Variants in UPF3A observed in about 807,000 individuals in gnomAD.
UPF3A encodes the protein UPF3A regulator of nonsense mediated mRNA decay.
In UPF3A, 42 loss-of-function variants were observed where a neutral mutation model predicts 53.5. The ratio of observed to expected loss-of-function variants is 0.78; its 90% CI spans 0.61 to 1.01. The LOEUF is 1.01. Ranked by LOEUF, UPF3A falls within the 50% of genes least tolerant of loss-of-function variation. UPF3A has a pLI of 0.00. For synonymous variants in UPF3A, 237 were observed against 225.3 expected (o/e 1.05, Z -0.47); for missense variants, 575 against 598.0 (o/e 0.96, Z 0.40).
chr13:114,301,422 C>T (rs2086593529), intron 8 of UPF3A, among the ~76,000 whole-genome samples: 1 of 150,376 alleles, frequency 6.6e-6, no homozygotes, highest in Admixed American at 6.6e-5. Context: ...GAGATCCCGC[C>T]ATTTTACTCC....
At chr13:114,283,706 C>T (rs1253080308) in intron 3 of UPF3A, 1 of 971,058 alleles carries the variant, frequency 1.0e-6, no homozygotes, top group Non-Finnish European at 1.2e-6. Context: ...AGACAGCAGT[C>T]TTCAACTCTA....
At chr13:114,284,584 A>G (rs1413934933) in intron 3 of UPF3A, among the ~76,000 whole-genome samples, 9 of 151,446 alleles carry the variant, frequency 5.9e-5, no homozygotes. Flanking sequence ...CTGTAATCTC[A>G]GATACTTGGG....
At position 114,281,895 on chromosome 13, in the gene UPF3A, T is replaced by TGAGTGGAGG. The variant is rs771513325; in HGVS notation, c.207+53_207+61dup. Reference sequence around the variant, plus strand: ...AAACCTCGCGAGGAGAGGACGGCCCTGAGTGGAGGGAGGGGAGGGAGGGGA... The same window carrying TGAGTGGAGG: ...AAACCTCGCGAGGAGAGGACGGCCCTGAGTGGAGGGAGTGGAGGGAGGGGAGGGAGGGGA... On this transcript the variant is annotated intron_variant, in intron 1 of 9. Transcript: ENST00000375299. 1,780 of 833,758 alleles carry TGAGTGGAGG rather than the reference T, an allele frequency of 2.1e-3. 26 individuals are homozygous for TGAGTGGAGG. The African/African-American group carries it at 0.039, about 18-fold the overall frequency. 51.6% of individuals were successfully genotyped at this position (833,758 alleles called of 1,614,324 possible). A position where few individuals can be genotyped will look rare whatever the true frequency, so the allele number is the denominator to read the frequency against.
rs1566756300 is a variant in UPF3A, at chr13:114,295,307, CCT to C, written c.846+3516_846+3517del. On this transcript the variant is annotated intron_variant, in intron 7 of 9. Transcript: ENST00000375299. ...GCCTTGCAGGGCGTGGCAGAGCTGG[CCT>C]GCTCCCCAGCTCGTCTCCAGCAGCT... 7.0e-3 allele frequency among the ~76,000 whole-genome samples: 998 copies of C among 142,508 alleles called. 15 individuals carry two copies. The highest frequency in any genetic ancestry group is 0.024 in the East Asian group (109 of 4,486). The allele number at this position is 142,508 out of a possible 152,430, so 93.5% of individuals were successfully genotyped here.
intron 8 of UPF3A, among the ~76,000 whole-genome samples, chr13:114,299,273 C>T (rs1262238775): frequency 6.6e-6 from 1 of 152,196 alleles, no homozygotes; most frequent in Non-Finnish European, 1.5e-5. Context: ...TGAGCCGCCT[C>T]CTGGATTCCT....
intron 7 of UPF3A, 57 bp downstream of exon 7, chr13:114,291,849 C>G: frequency 6.6e-7 from 1 of 1,508,980 alleles, no homozygotes; most frequent in African/African-American, 1.4e-5. Flanking sequence ...AGTAATTACA[C>G]TTTTTACATA....
intron 7 of UPF3A, among the ~76,000 whole-genome samples, chr13:114,292,573 G>A (rs12870159): frequency 5.4e-5 from 8 of 146,854 alleles, no homozygotes; most frequent in East Asian, 2.0e-4. Flanking sequence ...GGCTCAAGGC[G>A]TACACGTGCA....
intron 2 of UPF3A, 48 bp from the exon 3 acceptor site, chr13:114,282,789 A>T: frequency 6.4e-7 from 1 of 1,565,566 alleles, no homozygotes; most frequent in South Asian, 1.2e-5. Flanking sequence ...AAATTAATGG[A>T]CTATTGTATT....
intron 5 of UPF3A, among the ~76,000 whole-genome samples, chr13:114,290,802 C>T (rs995668072): frequency 6.7e-6 from 1 of 149,280 alleles, no homozygotes; most frequent in East Asian, 2.0e-4. Context: ...GGCGCAATCT[C>T]GGCTCACTGC....
Position 114,281,907 on chromosome 13 carries a change from G to A in UPF3A, c.207+61G>A. On this transcript the variant is annotated intron_variant, in intron 1 of 9. Coordinates refer to ENST00000375299, the MANE Select transcript of UPF3A (RefSeq NM_023011.4). ...GAGAGGACGGCCCTGAGTGGAGGGAGGGGAGGGAGGGGAGGGAGGGGCGGG... is the reference window on the plus strand; with the variant it reads ...GAGAGGACGGCCCTGAGTGGAGGGAAGGGAGGGAGGGGAGGGAGGGGCGGG... The A allele has an allele frequency of 2.9e-6, 3 of 1,035,252 alleles. No homozygotes were observed. In the Admixed American group the frequency reaches 6.5e-5, roughly 22 times the overall value. 64.1% of individuals were successfully genotyped at this position (1,035,252 alleles called of 1,614,324 possible).
chr13:114,286,187 G>A (rs1178893251), intron 3 of UPF3A, 115 bp from the exon 4 acceptor site: 2 of 1,254,440 alleles, frequency 1.6e-6, no homozygotes, highest in Non-Finnish European at 2.2e-6. Context: ...AGTTTAAATA[G>A]TAATAATGCA....
chr13:114,299,087 T>C (rs2086341891), intron 8 of UPF3A, 87 bp downstream of exon 8: 8 of 1,344,082 alleles, frequency 6.0e-6, no homozygotes, highest in Admixed American at 3.3e-5. Flanking sequence ...TATTTCACAC[T>C]GTTCTTGGAA....
At chr13:114,300,600 T>C (rs2086512145) in intron 8 of UPF3A, among the ~76,000 whole-genome samples, 1 of 151,714 alleles carries the variant, frequency 6.6e-6, no homozygotes, top group Admixed American at 6.6e-5. Flanking sequence ...AGTGCAATGG[T>C]GCGATCTCAG....
intron 3 of UPF3A, chr13:114,283,967 C>G (rs1237921151): frequency 4.1e-6 from 4 of 985,266 alleles, no homozygotes; most frequent in Non-Finnish European, 4.8e-6. Context: ...AAGCATTAGC[C>G]AAGCTAGTTC....
intron 5 of UPF3A, among the ~76,000 whole-genome samples, chr13:114,290,049 C>G (rs2085121888): frequency 6.6e-6 from 1 of 152,124 alleles, no homozygotes; most frequent in Non-Finnish European, 1.5e-5. Context: ...AAGAGCTGAC[C>G]ATTTACCTGA....
In UPF3A at chr13:114,281,664, G is replaced by A. The variant is rs545511962; in HGVS notation, c.25G>A (p.Gly9Arg). The A allele has an allele frequency of 8.9e-5, 136 of 1,521,952 alleles. No individual in the cohort carries two copies. The highest frequency in any genetic ancestry group is 1.1e-4 in the Non-Finnish European group (129 of 1,136,230). The allele number at this position is 1,521,952 out of a possible 1,614,324, so 94.3% of individuals were successfully genotyped here. The change falls in exon 1 of 10, where the codon GGA becomes AGA. Residue 9 changes from glycine to arginine, a missense_variant. Coordinates refer to ENST00000375299, the MANE Select transcript of UPF3A (RefSeq NM_023011.4). MRSEKEGA[G>R]GLRAAVAARG... Reference sequence around the variant, plus strand: ...CATGCGCTCGGAAAAGGAGGGGGCCGGAGGCCTTCGGGCGGCCGTTGCCGC... The same window carrying A: ...CATGCGCTCGGAAAAGGAGGGGGCCAGAGGCCTTCGGGCGGCCGTTGCCGC...
Position 114,281,638 on chromosome 13 carries a change from G to C in UPF3A, c.-2G>C. On this transcript the variant is annotated 5_prime_UTR_variant, in exon 1 of 10. Coordinates refer to ENST00000375299, the MANE Select transcript of UPF3A (RefSeq NM_023011.4). ...CGGCTGCGGCTCGGCGGAGAGTGCG[G>C]CATGCGCTCGGAAAAGGAGGGGGCC... 2 of 1,467,238 alleles carry C rather than the reference G, an allele frequency of 1.4e-6. No homozygotes were observed. The highest frequency in any genetic ancestry group is 1.8e-6 in the Non-Finnish European group (2 of 1,110,060). 90.9% of individuals were successfully genotyped at this position (1,467,238 alleles called of 1,614,324 possible).
intron 7 of UPF3A, 40 bp from the exon 8 acceptor site, chr13:114,298,800 G>A (rs372827451): frequency 1.2e-5 from 18 of 1,440,430 alleles, no homozygotes; most frequent in Admixed American, 2.8e-5. Flanking sequence ...TTTAAAATAT[G>A]CTCTCAAGGT....
chr13:114,301,066 C>T (rs1335776597), intron 8 of UPF3A, among the ~76,000 whole-genome samples: 3 of 151,088 alleles, frequency 2.0e-5, no homozygotes, highest in Admixed American at 6.6e-5. Context: ...CCCACCTTGG[C>T]GTCCCAAAGT....
Sources: allele counts gnomAD v4.1 joint callset (sites outside exome capture counted in the v4.1 genomes callset), GRCh38; gene constraint gnomAD v4.1.1; transcripts MANE v1.5; gene names NCBI Gene and HGNC (gene_info 2026-07-23, HGNC 2026-07-21).